The following GAPVD1 variants were observed in gnomAD, a reference collection of about 807,000 sequenced individuals.
The protein encoded by GAPVD1 is GTPase activating protein and VPS9 domains 1.
A neutral mutation model predicts 155.5 loss-of-function variants in GAPVD1; 35 were observed. The ratio of observed to expected loss-of-function variants is 0.23; its 90% CI spans 0.17 to 0.30. The LOEUF is 0.30. Ranked by LOEUF, GAPVD1 falls within the 10% of genes least tolerant of loss-of-function variation. The pLI is 1.00. For missense variants in GAPVD1, 1,429 were observed against 1,775.7 expected (o/e 0.80, Z 3.51); for synonymous variants, 636 against 619.7 (o/e 1.03, Z -0.39).
intron 2 of GAPVD1, among the ~76,000 whole-genome samples, chr9:125,272,572 C>T (rs146688996): frequency 6.7e-4 from 102 of 152,240 alleles, no homozygotes; most frequent in African/African-American, 2.1e-3. Context: ...TTATTGGATT[C>T]GTTCTCTTTT....
chr9:125,276,305 A>G (rs1304655351), intron 2 of GAPVD1, among the ~76,000 whole-genome samples: 1 of 152,232 alleles, frequency 6.6e-6, no homozygotes, highest in Admixed American at 6.6e-5. Flanking sequence ...AAAACAAAAC[A>G]TACGAAAAAC....
intron 15 of GAPVD1, among the ~76,000 whole-genome samples, chr9:125,334,654 C>T (rs973587804): frequency 5.3e-5 from 8 of 152,140 alleles, no homozygotes; most frequent in African/African-American, 1.9e-4. Context: ...GATCCCAGCA[C>T]TTCGAGAGGC....
intron 1 of GAPVD1, among the ~76,000 whole-genome samples, chr9:125,266,845 C>G (rs1270349688): frequency 6.6e-6 from 1 of 152,074 alleles, no homozygotes; most frequent in Middle Eastern, 3.2e-3. Context: ...ACTGCAACTT[C>G]CCCCTCCTGG....
rs146829504 is a variant in GAPVD1 at position 125,350,854 on chromosome 9, C to T, written c.3551C>T (p.Ser1184Leu). 1.1e-5 allele frequency: 18 copies of T among 1,613,468 alleles called. No homozygotes were observed. Among genetic ancestry groups the T allele is most frequent in the East Asian group, 8.9e-5 (4 of 44,888 alleles). ...AGGACTTGTAGGAAACTGCTGGCTT[C>T]GATTGCTGAGGACTACAGGTAATAT... Reference protein sequence around the residue: ...DNRTCRKLLASIAEDYRKRAP... With the variant: ...DNRTCRKLLALIAEDYRKRAP... The change falls in exon 23 of 28, where the codon TCG becomes TTG. Residue 1184 changes from serine (S) to leucine (L), a missense_variant. Physicochemically the swap from Ser to Leu is moderately radical, Grantham distance 145 (BLOSUM62 -2). Coordinates refer to ENST00000297933, the MANE Select transcript of GAPVD1 (RefSeq NM_001282680.3).
intron 2 of GAPVD1, among the ~76,000 whole-genome samples, chr9:125,293,852 TTATATATATATATATATATATATATA>T (rs1161661604): frequency 1.4e-3 from 49 of 35,196 alleles, no homozygotes; most frequent in East Asian, 5.3e-3. Context: ...AAAATATATT[TTATATATATATATATATATATATATA>T]TATATATATA....
intron 2 of GAPVD1, among the ~76,000 whole-genome samples, chr9:125,287,181 G>A (rs1269071640): frequency 1.3e-5 from 2 of 152,082 alleles, no homozygotes; most frequent in Non-Finnish European, 2.9e-5. Flanking sequence ...GTCTGGTCTT[G>A]GAAATTGGAA....
intron 1 of GAPVD1, among the ~76,000 whole-genome samples, chr9:125,262,186 T>C (rs1356517633): frequency 6.6e-6 from 1 of 150,834 alleles, no homozygotes; most frequent in Non-Finnish European, 1.5e-5. Context: ...CAGGGCGGCC[T>C]GGGGCTGAGG....
intron 4 of GAPVD1, among the ~76,000 whole-genome samples, chr9:125,300,084 T>C (rs1398191454): frequency 9.2e-6 from 1 of 108,540 alleles, no homozygotes; most frequent in Admixed American, 1.0e-4. Context: ...TATATATATA[T>C]ATATATATAT....
At chr9:125,355,215 G>GGGATTCTC (rs6151177) in intron 24 of GAPVD1, among the ~76,000 whole-genome samples, 91,010 of 151,934 alleles carry the variant, frequency 0.6, 29,405 homozygotes, top group African/African-American at 0.87. Flanking sequence ...CTCCCTGGTA[G>GGGATTCTC]CTGCCTCAGC....
intron 15 of GAPVD1, among the ~76,000 whole-genome samples, chr9:125,334,189 C>T (rs1031068277): frequency 2.7e-5 from 4 of 149,398 alleles, no homozygotes; most frequent in South Asian, 2.1e-4. Flanking sequence ...TTTGTACTTA[C>T]GGTGCATAGG....
chr9:125,300,220 C>T (rs1174514463), intron 4 of GAPVD1, among the ~76,000 whole-genome samples: 1 of 144,120 alleles, frequency 6.9e-6, no homozygotes, highest in Middle Eastern at 3.4e-3. Flanking sequence ...CTCGCTCTGT[C>T]CCCCAGGCTG....
Position 125,312,584 on chromosome 9 carries a change from T to G in GAPVD1, c.1574T>G (p.Leu525Arg). Residue 525 changes from leucine (L) to arginine (R), a missense_variant, in exon 9 of 28, where the codon CTT (leucine) becomes CGT (arginine). Physicochemically the swap from Leu to Arg is moderately radical, Grantham distance 102. Coordinates refer to ENST00000297933, the MANE Select transcript of GAPVD1 (RefSeq NM_001282680.3). ...LVISLGTGPQ[L>R]TPGMMSENEV... is the part of the protein sequence containing the mutation. The stretch of plus-strand genomic sequence containing the variant: ...ATTTCCTTAGGTACAGGTCCCCAGC[T>G]TACTCCAGGGATGATGTCAGAAAAT... The G allele has an allele frequency of 9.4e-6, 15 of 1,595,902 alleles. No individual in the cohort carries two copies. The highest frequency in any genetic ancestry group is 1.3e-5 in the Non-Finnish European group (15 of 1,174,992).
chr9:125,269,521 G>A lies in GAPVD1; in HGVS notation c.-150+537G>A, dbSNP rs535875779. The stretch of plus-strand genomic sequence containing the variant: ...TGTTTTTTTTTTGAGTTGGAGTCTC[G>A]TTCTGTCGCCCAGGCTGGAGTGCAG... On this transcript the variant is annotated intron_variant, in intron 2 of 27. Coordinates refer to ENST00000297933, the MANE Select transcript of GAPVD1 (RefSeq NM_001282680.3). Among the ~76,000 whole-genome samples the A allele has an allele frequency of 1.3e-4, 19 of 151,018 alleles. No homozygotes were observed. The South Asian group carries it at 3.3e-3, about 27-fold the overall frequency.
At chr9:125,288,613 A>G (rs1838103386) in intron 2 of GAPVD1, among the ~76,000 whole-genome samples, 1 of 151,940 alleles carries the variant, frequency 6.6e-6, no homozygotes, top group Non-Finnish European at 1.5e-5. Flanking sequence ...TTGGGCTCAC[A>G]TGATCCTCCC....
chr9:125,307,326 T>C, intron 6 of GAPVD1, 87 bp from the exon 7 acceptor site: 1 of 971,376 alleles, frequency 1.0e-6, no homozygotes, highest in East Asian at 2.6e-5. Context: ...GATGTTTAAA[T>C]TTTTTCATGC....
At chr9:125,270,985 A>G (rs1042628479) in intron 2 of GAPVD1, among the ~76,000 whole-genome samples, 4 of 152,188 alleles carry the variant, frequency 2.6e-5, no homozygotes, top group Non-Finnish European at 5.9e-5. Context: ...GAAGGACTTA[A>G]CAGACTACAT....
chr9:125,334,912 CGT>C (rs373532197), intron 15 of GAPVD1, among the ~76,000 whole-genome samples: 4,071 of 152,140 alleles, frequency 0.027, 95 homozygotes, highest in Non-Finnish European at 0.044. Flanking sequence ...ATTTTGGAAA[CGT>C]GTGTCTACCT....
At position 125,332,565 on chromosome 9, in the gene GAPVD1, G is replaced by A. The variant is rs1310223523; in HGVS notation, c.2364G>A (p.Glu788=). The change falls in exon 15 of 28, where the codon GAG becomes GAA. Residue 788 remains glutamate (E), a synonymous_variant. Transcript: ENST00000297933. ...IPNKIEDLRS[E]CSSDFGGKDS... Reference sequence around the variant, plus strand: ...ATAAGATTGAAGACCTGAGATCTGAGTGCAGCTCTGATTTTGGGGGTAAAG... The same window carrying A: ...ATAAGATTGAAGACCTGAGATCTGAATGCAGCTCTGATTTTGGGGGTAAAG... 2 of 1,604,428 alleles carry A rather than the reference G, an allele frequency of 1.2e-6. No individual in the cohort carries two copies. Among genetic ancestry groups the A allele is most frequent in the Non-Finnish European group, 1.7e-6 (2 of 1,171,870 alleles).
At chr9:125,356,234 C>T (rs903389348) in intron 25 of GAPVD1, among the ~76,000 whole-genome samples, 5 of 152,210 alleles carry the variant, frequency 3.3e-5, no homozygotes, top group African/African-American at 4.8e-5. Context: ...TCTCAGGCCT[C>T]GGTGCCTTTC....
Sources: gnomAD v4.1 joint callset for allele counts (sites outside exome capture counted in the v4.1 genomes callset) on GRCh38, gnomAD v4.1.1 for gene constraint, MANE v1.5 for transcripts, NCBI Gene and HGNC (gene_info 2026-07-23, HGNC 2026-07-21) for gene names.